The following ANK2 variants were observed in gnomAD, a reference collection of about 807,000 sequenced individuals.
ANK2 encodes the protein ankyrin-2.
Under a neutral mutation model 360.5 loss-of-function variants are expected in ANK2, and 83 were observed. The ratio of observed to expected loss-of-function variants is 0.23; its 90% CI spans 0.19 to 0.28. ANK2 has a LOEUF of 0.28. ANK2 is among the 10% of genes least tolerant of loss of function. The pLI is 1.00. For synonymous variants in ANK2, 1,740 were observed against 1,759.5 expected, an observed-to-expected ratio of 0.99 and a Z score of 0.28; for missense variants, 4,201 against 4,795.7, an observed-to-expected ratio of 0.88 and a Z score of 3.66.
At chr4:112,946,355 C>T (rs892399590) in intron 2 of ANK2, among the ~76,000 whole-genome samples, 2 of 152,126 alleles carry the variant, frequency 1.3e-5, no homozygotes, top group East Asian at 1.9e-4. Flanking sequence ...GTTAGCCTGC[C>T]GCCTGTCCTA....
chr4:113,019,847 A>G (rs2057593441), intron 2 of ANK2, among the ~76,000 whole-genome samples: 1 of 151,922 alleles, frequency 6.6e-6, no homozygotes, highest in Admixed American at 6.6e-5. Context: ...TAATCTGAAT[A>G]TGTTTACATT....
At chr4:113,258,898 T>G (rs941178400) in intron 13 of ANK2, among the ~76,000 whole-genome samples, 10 of 152,198 alleles carry the variant, frequency 6.6e-5, no homozygotes, top group African/African-American at 2.2e-4. Context: ...GTCAAACTCT[T>G]CCTTCTTCAA....
intron 18 of ANK2, among the ~76,000 whole-genome samples, chr4:113,283,753 TTGA>T (rs2063313230): frequency 6.6e-6 from 1 of 152,218 alleles, no homozygotes; most frequent in Non-Finnish European, 1.5e-5. Flanking sequence ...GGTCTGTCAT[TTGA>T]TGTCTTGATG....
chr4:113,051,700 A>G (rs313942), intron 1 of ANK2, among the ~76,000 whole-genome samples: 96,513 of 151,918 alleles, frequency 0.64, 31,042 homozygotes, highest in South Asian at 0.69. Flanking sequence ...TCAGTCAGAC[A>G]TAAGTGGGTC....
chr4:112,952,290 G>T (rs2095073190), intron 2 of ANK2, among the ~76,000 whole-genome samples: 1 of 152,182 alleles, frequency 6.6e-6, no homozygotes, highest in Non-Finnish European at 1.5e-5. Flanking sequence ...TAAATAGGGA[G>T]TGATGTTTAA....
chr4:112,706,204 C>G, the ANK2 span, among the ~76,000 whole-genome samples: 2 of 152,058 alleles, frequency 1.3e-5, no homozygotes, highest in Non-Finnish European at 1.5e-5. Context: ...CCGAACCCGC[C>G]GCGGATTCGT....
At chr4:113,014,209 G>T (rs537736538) in intron 2 of ANK2, among the ~76,000 whole-genome samples, 7 of 152,068 alleles carry the variant, frequency 4.6e-5, no homozygotes, top group Non-Finnish European at 8.8e-5. Context: ...ATATTTGAAG[G>T]TTCCCTAGGA....
intron 1 of ANK2, among the ~76,000 whole-genome samples, chr4:112,847,093 A>C (rs1157203040): frequency 6.6e-6 from 1 of 152,178 alleles, no homozygotes; most frequent in East Asian, 1.9e-4. Flanking sequence ...CTGTGAGTAT[A>C]ATAACTTCAA....
At chr4:113,330,191 G>T (rs1588351271) in intron 26 of ANK2, 55 bp from the exon 27 acceptor site, 2 of 1,524,138 alleles carry the variant, frequency 1.3e-6, no homozygotes, top group East Asian at 4.7e-5. Flanking sequence ...GACAAAGCTT[G>T]TTCATCTGCC....
In ANK2 at chr4:113,174,437, C is replaced by T. The variant is rs1373936514; in HGVS notation, c.106C>T (p.Leu36Phe). 1 of 1,613,010 alleles carries T rather than the reference C, an allele frequency of 6.2e-7. No homozygotes were observed. Among genetic ancestry groups the T allele is most frequent in the Admixed American group, 1.7e-5 (1 of 59,970 alleles). The stretch of plus-strand genomic sequence containing the variant: ...GCAGTCTGACAGCAATGCAAGCTTC[C>T]TCCGTGCTGCCAGAGCAGGCAACCT... The part of the protein sequence containing the change: ...PKKSDSNASF[L>F]RAARAGNLDK... The change falls in exon 2 of 46, where the codon CTC becomes TTC. Residue 36 changes from leucine to phenylalanine, a missense_variant. By Grantham distance (22) the Leu-to-Phe change is conservative. Coordinates refer to ENST00000357077, the MANE Select transcript of ANK2 (RefSeq NM_001148.6).
intron 2 of ANK2, among the ~76,000 whole-genome samples, chr4:112,992,988 A>T (rs1049003590): frequency 3.9e-5 from 6 of 152,154 alleles, no homozygotes; most frequent in African/African-American, 1.4e-4. Flanking sequence ...TTTATTTAAA[A>T]TATTTAGTGT....
chr4:113,067,085 A>T (rs754496429), intron 1 of ANK2, among the ~76,000 whole-genome samples: 1 of 152,026 alleles, frequency 6.6e-6, no homozygotes, highest in African/African-American at 2.4e-5. Context: ...ACTTTATGCT[A>T]TGTAGCCAGA....
intron 1 of ANK2, among the ~76,000 whole-genome samples, chr4:113,099,062 G>A (rs978036691): frequency 1.3e-5 from 2 of 151,912 alleles, no homozygotes; most frequent in African/African-American, 2.4e-5. Flanking sequence ...AGACTTAATG[G>A]TGAGAAACTA....
the ANK2 span, among the ~76,000 whole-genome samples, chr4:112,752,051 G>A: frequency 6.6e-6 from 1 of 152,226 alleles, no homozygotes; most frequent in Non-Finnish European, 1.5e-5. Context: ...ACTGAAGCCA[G>A]TGGTTCTTAT....
At chr4:112,931,316 C>T (rs1469681452) in intron 2 of ANK2, among the ~76,000 whole-genome samples, 1 of 151,876 alleles carries the variant, frequency 6.6e-6, no homozygotes, top group African/African-American at 2.4e-5. Flanking sequence ...CCCATTTTAT[C>T]GTAGACTCAA....
At chr4:113,281,848 A>T (rs2153711047) in intron 17 of ANK2, among the ~76,000 whole-genome samples, 1 of 152,250 alleles carries the variant, frequency 6.6e-6, no homozygotes, top group Admixed American at 6.5e-5. Flanking sequence ...GTAGCCTCAT[A>T]TTTGTACTTT....
intron 1 of ANK2, among the ~76,000 whole-genome samples, chr4:113,165,528 C>T (rs1248360554): frequency 6.6e-6 from 1 of 152,056 alleles, no homozygotes; most frequent in Non-Finnish European, 1.5e-5. Context: ...GTAAGCAGAA[C>T]TTTTCAAATA....
intron 2 of ANK2, among the ~76,000 whole-genome samples, chr4:113,186,727 C>T (rs922569131): frequency 6.6e-6 from 1 of 152,018 alleles, no homozygotes; most frequent in Non-Finnish European, 1.5e-5. Context: ...AAAAGGAAAC[C>T]TTATTTTAAA....
chr4:113,047,408 T>G (rs1272621854), upstream of ANK2, among the ~76,000 whole-genome samples: 2 of 152,228 alleles, frequency 1.3e-5, no homozygotes, highest in African/African-American at 4.8e-5. Context: ...CCACAGTAGT[T>G]AGCACAATGT....
Sources: gnomAD v4.1 joint callset for allele counts (sites outside exome capture counted in the v4.1 genomes callset) on GRCh38, gnomAD v4.1.1 for gene constraint, MANE v1.5 for transcripts, NCBI Gene and HGNC (gene_info 2026-07-23, HGNC 2026-07-21) for gene names.